The following UGT1A10 variants were observed in gnomAD, a reference collection of about 807,000 sequenced individuals.
UGT1A10 encodes UDP glucuronosyltransferase family 1 member A10.
In UGT1A10, 49 loss-of-function variants were observed where a neutral mutation model predicts 45.8. That is an observed-to-expected ratio of 1.07 (90% CI 0.85 to 1.36). The LOEUF is 1.36. Ranked by LOEUF, UGT1A10 falls within the 40% of genes most tolerant of loss-of-function variation. The probability of loss-of-function intolerance (pLI) is 0.00; values close to 1 mark genes in which losing one functional copy is unlikely to be tolerated. For synonymous variants in UGT1A10, 284 were observed against 249.7 expected (o/e 1.14, Z -1.29); for missense variants, 745 against 668.6 (o/e 1.11, Z -1.26).
At chr2:233,708,468 C>T (rs1383966738) in intron 1 of UGT1A10, 1 of 152,162 alleles carries the variant, frequency 6.6e-6, no homozygotes, top group African/African-American at 2.4e-5. Context: ...ATTGATGCAA[C>T]TGGCTGAGCG....
intron 1 of UGT1A10, among the ~76,000 whole-genome samples, chr2:233,724,292 C>A (rs1379070155): frequency 7.8e-6 from 1 of 129,018 alleles, no homozygotes; most frequent in East Asian, 2.7e-4. Context: ...GGGGGGCTGA[C>A]CCCCCCACCT....
Position 233,772,833 on chromosome 2 carries a change from T to A in UGT1A10, c.*274T>A. The A allele has an allele frequency of 1.1e-6, 1 of 879,514 alleles. No homozygotes were observed. Among genetic ancestry groups the A allele is most frequent in the Non-Finnish European group, 1.6e-6 (1 of 630,664 alleles). The allele number at this position is 879,514 out of a possible 1,614,324, so 54.5% of individuals were successfully genotyped here. A position where few individuals can be genotyped will look rare whatever the true frequency, so the allele number is the denominator to read the frequency against. ...AGGACGTGCAGACAGGCTGGCATTC[T>A]AGATTACTTTTCTTACTCTGAAACA... On this transcript the variant is annotated 3_prime_UTR_variant, in exon 5 of 5. Coordinates refer to ENST00000344644, the MANE Select transcript of UGT1A10 (RefSeq NM_019075.4).
intron 1 of UGT1A10, among the ~76,000 whole-genome samples, chr2:233,654,085 G>C (rs898226144): frequency 6.6e-6 from 1 of 152,120 alleles, no homozygotes; most frequent in Non-Finnish European, 1.5e-5. Context: ...CACAGTCTCT[G>C]CCTTCAGTAT....
At chr2:233,655,806 C>T (rs17864680) in intron 1 of UGT1A10, among the ~76,000 whole-genome samples, 4,727 of 152,284 alleles carry the variant, frequency 0.031, 116 homozygotes, top group Non-Finnish European at 0.046. Context: ...TGAGCCCCAG[C>T]CATTCTCTTA....
intron 1 of UGT1A10, among the ~76,000 whole-genome samples, chr2:233,694,844 C>A (rs2075243511): frequency 6.6e-6 from 1 of 152,268 alleles, no homozygotes; most frequent in East Asian, 1.9e-4. Context: ...TGTCAGGATT[C>A]TTTTAATTGG....
In UGT1A10 at chr2:233,769,727, C is replaced by T. The variant is rs565012601; in HGVS notation, c.1295+1288C>T. The stretch of plus-strand genomic sequence containing the variant: ...AATGTTGGCTAGGCACCATGGCACA[C>T]GCCTGTAGTCCCAGCCACTCTGGAG... On this transcript the variant is annotated intron_variant, in intron 4 of 4. Transcript: ENST00000344644. This position sits in a 1 kb window ranked among gnomAD's most constrained non-coding sequence, Gnocchi z 4.4. 4.8e-4 allele frequency: 703 copies of T among 1,471,542 alleles called. 1 individual carries two copies. Among genetic ancestry groups the T allele is most frequent in the Non-Finnish European group, 5.6e-4 (625 of 1,109,932 alleles). The allele number at this position is 1,471,542 out of a possible 1,614,324, so 91.2% of individuals were successfully genotyped here. A position where few individuals can be genotyped will look rare whatever the true frequency, so the allele number is the denominator to read the frequency against.
chr2:233,729,966 C>G, intron 1 of UGT1A10: 1 of 1,614,088 alleles, frequency 6.2e-7, no homozygotes, highest in Non-Finnish European at 8.5e-7. Context: ...GGGGCATCAA[C>G]TGTGCCAACA....
intron 1 of UGT1A10, among the ~76,000 whole-genome samples, chr2:233,637,770 T>C (rs745693976): frequency 9.9e-5 from 15 of 152,208 alleles, no homozygotes; most frequent in African/African-American, 1.9e-4. Flanking sequence ...CAATATCTCA[T>C]GTAAGTTCCC....
chr2:233,757,160 CAG>C (rs980635310), intron 1 of UGT1A10, among the ~76,000 whole-genome samples: 33 of 151,262 alleles, frequency 2.2e-4, no homozygotes, highest in African/African-American at 7.8e-4. Context: ...GGGTCTATCC[CAG>C]AGTTTTGAGA....
chr2:233,650,396 T>C (rs530174587), intron 1 of UGT1A10, among the ~76,000 whole-genome samples: 8 of 152,244 alleles, frequency 5.3e-5, no homozygotes, highest in Non-Finnish European at 8.8e-5. Context: ...TTTGTCAGAA[T>C]TGTGTAAACT....
intron 1 of UGT1A10, among the ~76,000 whole-genome samples, chr2:233,641,865 G>C (rs1185508015): frequency 6.6e-6 from 1 of 152,098 alleles, no homozygotes; most frequent in African/African-American, 2.4e-5. Context: ...CACTGAAAAG[G>C]CTGCTGCCAG....
intron 1 of UGT1A10, among the ~76,000 whole-genome samples, chr2:233,731,096 C>A (rs1335372284): frequency 6.6e-6 from 1 of 151,962 alleles, no homozygotes; most frequent in African/African-American, 2.4e-5. Flanking sequence ...TATTTCTGTG[C>A]CTTTTTTATA....
chr2:233,748,696 G>A (rs1384133711), intron 1 of UGT1A10, among the ~76,000 whole-genome samples: 1 of 151,680 alleles, frequency 6.6e-6, no homozygotes, highest in Non-Finnish European at 1.5e-5. Context: ...GATTTTTCTG[G>A]TCAGGATTTG....
At chr2:233,676,044 A>G (rs377509485) in intron 1 of UGT1A10, among the ~76,000 whole-genome samples, 11 of 152,298 alleles carry the variant, frequency 7.2e-5, no homozygotes, top group East Asian at 5.8e-4. Flanking sequence ...TCCTTGGCCA[A>G]TTGACTAGGT....
intron 1 of UGT1A10, chr2:233,760,319 T>A (rs201984525): frequency 1.2e-6 from 2 of 1,614,040 alleles, no homozygotes; most frequent in Non-Finnish European, 1.7e-6. Flanking sequence ...GGACGCCCAC[T>A]TGTCCTGGGC....
intron 1 of UGT1A10, among the ~76,000 whole-genome samples, chr2:233,652,245 C>T (rs1339709447): frequency 1.3e-5 from 2 of 152,168 alleles, no homozygotes; most frequent in African/African-American, 4.8e-5. Flanking sequence ...TCCAAGGCCT[C>T]TCACCAGGAT....
chr2:233,752,553 G>A (rs189829864), intron 1 of UGT1A10: 3 of 152,252 alleles, frequency 2.0e-5, no homozygotes, highest in East Asian at 1.9e-4. Flanking sequence ...CTCTTGCTGG[G>A]ACAACATAGT....
rs45488098 is a variant in UGT1A10, at chr2:233,674,892, T to C, written c.855+37515T>C. On this transcript the variant is annotated intron_variant, in intron 1 of 4. Coordinates refer to ENST00000344644, the MANE Select transcript of UGT1A10 (RefSeq NM_019075.4). ...CAGAAGGATGGACACTTCATATTGCTCCTTCCTTGTTTCAGATGCCAGGAT... is the reference window on the plus strand; with the variant it reads ...CAGAAGGATGGACACTTCATATTGCCCCTTCCTTGTTTCAGATGCCAGGAT... Among the ~76,000 whole-genome samples the C allele has an allele frequency of 2.2e-3, 331 of 152,322 alleles. 1 individual carries two copies. The highest frequency in any genetic ancestry group is 4.0e-3 in the Non-Finnish European group (271 of 68,022).
In UGT1A10 at chr2:233,722,286, T is replaced by C. The variant is rs567045948; in HGVS notation, c.856-44748T>C. 3.3e-5 allele frequency among the ~76,000 whole-genome samples: 5 copies of C among 152,342 alleles called. No homozygotes were observed. In the South Asian group the frequency reaches 8.3e-4, roughly 25 times the overall value. Reference sequence around the variant, plus strand: ...ATCATTTTTATTACATTGATTTCCTTTGTTATTTTGTCACCCTTACTTACT... The same window carrying C: ...ATCATTTTTATTACATTGATTTCCTCTGTTATTTTGTCACCCTTACTTACT... On this transcript the variant is annotated intron_variant, in intron 1 of 4. Transcript: ENST00000344644.
Sources: allele counts gnomAD v4.1 joint callset (sites outside exome capture counted in the v4.1 genomes callset), GRCh38; gene constraint gnomAD v4.1.1; non-coding constraint Gnocchi (gnomAD v3.1); transcripts MANE v1.5; gene names NCBI Gene and HGNC (gene_info 2026-07-23, HGNC 2026-07-21).